Variants in ZNF226 observed in about 807,000 individuals in gnomAD.
ZNF226 encodes Kruppel-associated box protein.
ZNF226 carries 6 observed loss-of-function variants against 11.4 expected under a neutral mutation model. The ratio of observed to expected loss-of-function variants is 0.53; its 90% CI spans 0.29 to 1.04. The LOEUF is 1.04. Among genes scored for constraint, ZNF226 ranks in the 50% least tolerant of loss-of-function variants. The pLI, the probability that ZNF226 is intolerant of heterozygous loss-of-function variation, is 0.08. For synonymous variants in ZNF226, 350 were observed against 322.8 expected (o/e 1.08, Z -0.90); for missense variants, 1,058 against 956.5 (o/e 1.11, Z -1.40).
intron 5 of ZNF226, chr19:44,173,456 A>G (rs78680582): frequency 0.011 from 1,726 of 160,172 alleles, 29 homozygotes; most frequent in African/African-American, 0.039. Flanking sequence ...GCTCAGTTTT[A>G]GTATTATAAG....
chr19:44,194,735 T>A, the ZNF226 span, among the ~76,000 whole-genome samples: 1 of 152,248 alleles, frequency 6.6e-6, no homozygotes, highest in Admixed American at 6.5e-5. Flanking sequence ...AGCTCTTTCA[T>A]ACATTTTGGT....
At chr19:44,169,895 C>T in intron 2 of ZNF226, 140 bp from the exon 3 acceptor site, 1 of 496,296 alleles carries the variant, frequency 2.0e-6, no homozygotes. Context: ...TATCTGGGAT[C>T]CATGTCATAA....
chr19:44,192,709 A>T, the ZNF226 span, among the ~76,000 whole-genome samples: 1 of 152,216 alleles, frequency 6.6e-6, no homozygotes, highest in Non-Finnish European at 1.5e-5. Context: ...TAAAGCTGGA[A>T]TAAGGGAAAT....
chr19:44,192,964 A>T, the ZNF226 span, among the ~76,000 whole-genome samples: 1 of 152,164 alleles, frequency 6.6e-6, no homozygotes, highest in Admixed American at 6.5e-5. Flanking sequence ...TTGATTAAAC[A>T]CAAATTTTTT....
At chr19:44,173,132 C>G in intron 5 of ZNF226, 180 bp downstream of exon 5, 1 of 598,016 alleles carries the variant, frequency 1.7e-6, no homozygotes, top group Non-Finnish European at 3.0e-6. Flanking sequence ...CTTTAAGTGG[C>G]AAAGTGAGTT....
chr19:44,176,118 G>C lies in ZNF226; in HGVS notation c.856G>C (p.Gly286Arg), dbSNP rs770016930. The part of the protein sequence containing the change: ...GEKSLTCVER[G>R]KGFCYSPVLP... ...GAAGTCTCTTACATGTGTTGAGCGT[G>C]GAAAAGGCTTCTGTTACAGCCCAGT... The change falls in exon 6 of 6, where the codon GGA becomes CGA. Residue 286 changes from glycine to arginine, a missense_variant. Gly to Arg is a moderately radical substitution (Grantham distance 125). Transcript: ENST00000337433. The C allele has an allele frequency of 6.2e-6, 10 of 1,614,142 alleles. No individual in the cohort carries two copies. The highest frequency in any genetic ancestry group is 8.5e-6 in the Non-Finnish European group (10 of 1,180,020).
At chr19:44,185,460 T>TG in the ZNF226 span, among the ~76,000 whole-genome samples, 1 of 152,242 alleles carries the variant, frequency 6.6e-6, no homozygotes, top group South Asian at 2.1e-4. Flanking sequence ...TGTGAGGTGA[T>TG]ATCTCATTAC....
At chr19:44,179,177 C>A (rs1333639422), downstream of ZNF226, among the ~76,000 whole-genome samples, 1 of 151,854 alleles carries the variant, frequency 6.6e-6, no homozygotes, top group African/African-American at 2.4e-5. Flanking sequence ...GAGACTCAGT[C>A]TTAAAAAAAA....
intron 2 of ZNF226, among the ~76,000 whole-genome samples, chr19:44,167,259 GTCA>G (rs1044018527): frequency 8.0e-5 from 12 of 149,138 alleles, no homozygotes; most frequent in African/African-American, 3.0e-4. Flanking sequence ...TGCCATAGTT[GTCA>G]TCATCTCGTC....
intron 2 of ZNF226, among the ~76,000 whole-genome samples, chr19:44,166,459 C>T (rs978581486): frequency 6.6e-6 from 1 of 152,128 alleles, no homozygotes; most frequent in Admixed American, 6.5e-5. Context: ...GAGATCACAC[C>T]GGTGCACTCC....
Position 44,176,586 on chromosome 19 carries a change from A to G in ZNF226, c.1324A>G (p.Thr442Ala). Residue 442 changes from threonine to alanine, a missense_variant, in exon 6 of 6, where the codon ACA becomes GCA. Physicochemically the swap from Thr to Ala is moderately conservative, Grantham distance 58 (BLOSUM62 0). Coordinates refer to ENST00000337433, the MANE Select transcript of ZNF226 (RefSeq NM_001032373.2). ...TCTTTACATTCATCAGAGAGTCCAC[A>G]CAGGAGAAAAACCCTATAAATGTGA... ...SNLYIHQRVHTGEKPYKCEEC... is the reference protein window; with the variant it reads ...SNLYIHQRVHAGEKPYKCEEC... 2 of 1,614,186 alleles carry G rather than the reference A, an allele frequency of 1.2e-6. No individual in the cohort carries two copies. The highest frequency in any genetic ancestry group is 1.7e-6 in the Non-Finnish European group (2 of 1,180,024).
chr19:44,185,517 T>C, the ZNF226 span, among the ~76,000 whole-genome samples: 3 of 152,234 alleles, frequency 2.0e-5, no homozygotes, highest in Admixed American at 6.5e-5. Context: ...TGAACATCTT[T>C]TCATGTACTT....
rs1555784188 is a variant in ZNF226 at position 44,176,020 on chromosome 19, A to G, written c.758A>G (p.Gln253Arg). 8 of 1,613,942 alleles carry G rather than the reference A, an allele frequency of 5.0e-6. No homozygotes were observed. The Admixed American group carries it at 8.3e-5, about 17-fold the overall frequency. Residue 253 changes from glutamine to arginine, a missense_variant, in exon 6 of 6, where the codon CAG becomes CGG. Physicochemically the swap from Gln to Arg is conservative, Grantham distance 43. Coordinates refer to ENST00000337433, the MANE Select transcript of ZNF226 (RefSeq NM_001032373.2). ...SMIHTGQKSY[Q>R]CNECKKPFSD... Reference sequence around the variant, plus strand: ...ATTCACACAGGACAGAAATCGTACCAGTGTAATGAGTGTAAAAAACCCTTC... The same window carrying G: ...ATTCACACAGGACAGAAATCGTACCGGTGTAATGAGTGTAAAAAACCCTTC...
the ZNF226 span, among the ~76,000 whole-genome samples, chr19:44,190,011 A>G: frequency 6.6e-6 from 1 of 152,218 alleles, no homozygotes; most frequent in Non-Finnish European, 1.5e-5. Context: ...TAGGGAACCT[A>G]GAATAACTTA....
In ZNF226 at chr19:44,177,275, C is replaced by A; in HGVS notation, c.2013C>A (p.Tyr671Ter). 6.2e-7 allele frequency: 1 copy of A among 1,613,540 alleles called. No homozygotes were observed. Among genetic ancestry groups the A allele is most frequent in the Non-Finnish European group, 8.5e-7 (1 of 1,179,878 alleles). Residue 671 changes from tyrosine (Y) to a stop codon, truncating the protein, a stop_gained, in exon 6 of 6, where the codon TAC becomes TAA. Coordinates refer to ENST00000337433, the MANE Select transcript of ZNF226 (RefSeq NM_001032373.2). LOFTEE classifies it low-confidence loss of function (END_TRUNC). The stretch of plus-strand genomic sequence containing the variant: ...AAGTCCACACTGGAGATAAGCCATA[C>A]AAATGTGATGAGTGTGGGAAGGGCT... Reference protein sequence around the residue: ...HQKVHTGDKPYKCDECGKGFK... With the variant: ...HQKVHTGDKP
At chr19:44,174,840 GTCT>G (rs1226641100) in intron 5 of ZNF226, 10 of 723,786 alleles carry the variant, frequency 1.4e-5, no homozygotes, top group Admixed American at 6.2e-5. Flanking sequence ...CAGTGCATAG[GTCT>G]TCATGCTTTC....
At chr19:44,198,640 C>A in the ZNF226 span, among the ~76,000 whole-genome samples, 4 of 152,126 alleles carry the variant, frequency 2.6e-5, no homozygotes, top group African/African-American at 4.8e-5. Context: ...TAAGGTCAAT[C>A]CTGTGTTTGC....
At chr19:44,198,833 C>T in the ZNF226 span, among the ~76,000 whole-genome samples, 2 of 152,060 alleles carry the variant, frequency 1.3e-5, no homozygotes, top group East Asian at 3.9e-4. Flanking sequence ...GAAATTTAGT[C>T]TCGCTCTGTT....
At chr19:44,180,781 C>T (rs1970895465), downstream of ZNF226, among the ~76,000 whole-genome samples, 1 of 152,156 alleles carries the variant, frequency 6.6e-6, no homozygotes, top group Non-Finnish European at 1.5e-5. Context: ...TCTCCCATAA[C>T]TTAAAAAAGA....
Sources: gnomAD v4.1 joint callset for allele counts (sites outside exome capture counted in the v4.1 genomes callset) on GRCh38, gnomAD v4.1.1 for gene constraint, MANE v1.5 for transcripts, NCBI Gene and HGNC (gene_info 2026-07-23, HGNC 2026-07-21) for gene names.